RPSA: variants seen among roughly 807,000 people sequenced by gnomAD.
RPSA encodes the protein small ribosomal subunit protein uS2.
For synonymous variants in RPSA, 103 were observed against 126.7 expected, an observed-to-expected ratio of 0.81 and a Z score of 1.25; for missense variants, 140 against 372.8, an observed-to-expected ratio of 0.38 and a Z score of 5.14.
At chr3:39,408,419 C>A in intron 2 of RPSA, 187 bp from the exon 3 acceptor site, 1 of 764,174 alleles carries the variant, frequency 1.3e-6, no homozygotes. Context: ...AGGGTGGAGG[C>A]CAGTCTTGGC....
intron 3 of RPSA, chr3:39,408,930 C>G (rs548656342): frequency 2.0e-6 from 1 of 510,136 alleles, no homozygotes. Flanking sequence ...ACTAAAAATA[C>G]AAAAAATTAG....
At chr3:39,409,184 CTT>C (rs71091746) in intron 3 of RPSA, among the ~76,000 whole-genome samples, 21 of 85,414 alleles carry the variant, frequency 2.5e-4, no homozygotes, top group Admixed American at 3.9e-4. Context: ...TATGACCTTC[CTT>C]TTTTTTTTTT....
intron 4 of RPSA, 147 bp downstream of exon 4, chr3:39,411,146 C>A (rs770252557): frequency 1.5e-5 from 14 of 942,888 alleles, no homozygotes; most frequent in Non-Finnish European, 2.2e-5. Flanking sequence ...CAAGTTTTCG[C>A]TAACACCACA....
intron 2 of RPSA, chr3:39,408,397 CTA>C (rs760709940): frequency 1.3e-6 from 1 of 751,282 alleles, no homozygotes; most frequent in Non-Finnish European, 2.5e-6. Flanking sequence ...AGGCTGCACA[CTA>C]TTAAAGCTCA....
At position 39,408,614 on chromosome 3, in the gene RPSA, A is replaced by G. The variant is rs752628562; in HGVS notation, c.142A>G (p.Ile48Val). Residue 48 changes from isoleucine to valine, a missense_variant, in exon 3 of 7, where the codon ATC (isoleucine) becomes GTC (valine). Coordinates refer to ENST00000301821, the MANE Select transcript of RPSA (RefSeq NM_002295.6). ...IYKRKSDGIYIINLKRTWEKL... is the reference protein window; with the variant it reads ...IYKRKSDGIYVINLKRTWEKL... ...CTTCTGCCCTCACTTAGGCATCTAT[A>G]TCATAAATCTCAAGAGGACCTGGGA... 7 of 1,574,960 alleles carry G rather than the reference A, an allele frequency of 4.4e-6. No homozygotes were observed. The highest frequency in any genetic ancestry group is 3.3e-5 in the South Asian group (3 of 90,222).
At chr3:39,409,184 C>CTTTTTTT (rs71091746) in intron 3 of RPSA, among the ~76,000 whole-genome samples, 2,136 of 85,230 alleles carry the variant, frequency 0.025, 274 homozygotes, top group East Asian at 0.081. Flanking sequence ...TATGACCTTC[C>CTTTTTTT]TTTTTTTTTT....
At chr3:39,410,678 G>T in intron 3 of RPSA, 76 bp from the exon 4 acceptor site, 1 of 1,560,698 alleles carries the variant, frequency 6.4e-7, no homozygotes, top group Non-Finnish European at 8.8e-7. Context: ...GTTGGCCAGT[G>T]CCCAGAAGTG....
Position 39,411,005 on chromosome 3 carries a change from G to A in RPSA, c.498+6G>A. The A allele has an allele frequency of 6.3e-7, 1 of 1,599,676 alleles. No individual in the cohort carries two copies. Among genetic ancestry groups the A allele is most frequent in the Non-Finnish European group, 8.5e-7 (1 of 1,179,926 alleles). On this transcript the variant is annotated splice_donor_region_variant and intron_variant, in intron 4 of 6. Transcript: ENST00000301821. ...CCATCCCATGCAACAACAAGGTAAT[G>A]ATTTTAGGATCTAGAGTTTGTGAAT...
Position 39,407,626 on chromosome 3 carries a change from C to T in RPSA, c.-28C>T, listed in dbSNP as rs371713568. The stretch of plus-strand genomic sequence containing the variant: ...AGGTTGCTCTCTTATTTCAGATTCC[C>T]GTCGTAACTTAAAGGGAAATTTTCA... On this transcript the variant is annotated 5_prime_UTR_variant, in exon 2 of 7. Transcript: ENST00000301821. 216 of 1,590,358 alleles carry T rather than the reference C, an allele frequency of 1.4e-4. 1 individual carries two copies. The highest frequency in any genetic ancestry group is 1.7e-4 in the Non-Finnish European group (203 of 1,173,408).
intron 3 of RPSA, among the ~76,000 whole-genome samples, chr3:39,409,925 C>T (rs919016573): frequency 3.9e-5 from 6 of 152,014 alleles, no homozygotes; most frequent in East Asian, 3.9e-4. Flanking sequence ...CCCAGAAGTT[C>T]GAGACCAGGG....
intron 3 of RPSA, chr3:39,410,251 T>A (rs749177523): frequency 6.3e-6 from 1 of 158,680 alleles, no homozygotes; most frequent in Non-Finnish European, 1.4e-5. Context: ...AGAAAACTAG[T>A]AGATTTCTTG....
chr3:39,408,538 A>G, intron 2 of RPSA, 68 bp from the exon 3 acceptor site: 1 of 931,642 alleles, frequency 1.1e-6, no homozygotes, highest in South Asian at 1.3e-5. Context: ...GCTGCCACAT[A>G]GAGTAAACTT....
At chr3:39,410,401 C>T (rs2041988596) in intron 3 of RPSA, 1 of 297,508 alleles carries the variant, frequency 3.4e-6, no homozygotes, top group Non-Finnish European at 6.5e-6. Context: ...CTGAAACTGA[C>T]TTGTTACTAG....
chr3:39,409,624 C>T (rs1388438329), intron 3 of RPSA, among the ~76,000 whole-genome samples: 1 of 152,184 alleles, frequency 6.6e-6, no homozygotes, highest in East Asian at 1.9e-4. Flanking sequence ...ATCACATTTT[C>T]CCATAGTCAA....
chr3:39,412,176 G>A (rs1017474263), intron 6 of RPSA, 98 bp from the exon 7 acceptor site: 1 of 1,339,234 alleles, frequency 7.5e-7, no homozygotes, highest in African/African-American at 1.4e-5. Context: ...TCATTCCAGT[G>A]TGCTACAGCA....
intron 2 of RPSA, chr3:39,408,144 T>C (rs922618336): frequency 2.7e-6 from 1 of 369,264 alleles, no homozygotes; most frequent in African/African-American, 2.1e-5. Context: ...ATGAACAATA[T>C]GGTTTGGAAG....
intron 4 of RPSA, 139 bp from the exon 5 acceptor site, chr3:39,411,510 A>T: frequency 1.2e-6 from 1 of 868,436 alleles, no homozygotes; most frequent in Non-Finnish European, 1.8e-6. Context: ...ATCCCTATTT[A>T]TAATGCTCCC....
In RPSA at chr3:39,406,720, C is replaced by A; in HGVS notation, c.-78C>A. On this transcript the variant is annotated 5_prime_UTR_variant, in exon 1 of 7. Transcript: ENST00000301821. Reference sequence around the variant, plus strand: ...AAGGACGTCATTTCCTGCCGCCTGTCTTTTCCGTGCTACCTGCAGAGGGGT... The same window carrying A: ...AAGGACGTCATTTCCTGCCGCCTGTATTTTCCGTGCTACCTGCAGAGGGGT... 2.9e-6 allele frequency: 1 copy of A among 349,372 alleles called. No homozygotes were observed. Among genetic ancestry groups the A allele is most frequent in the Non-Finnish European group, 5.6e-6 (1 of 179,100 alleles). 21.6% of individuals were successfully genotyped at this position (349,372 alleles called of 1,614,324 possible).
intron 3 of RPSA, 97 bp downstream of exon 3, chr3:39,408,821 C>G: frequency 1.2e-6 from 1 of 825,800 alleles, no homozygotes; most frequent in South Asian, 1.4e-5. Context: ...TAACTCAGGC[C>G]GGGCGCGGTG....
Sources: gnomAD v4.1 joint callset for allele counts (sites outside exome capture counted in the v4.1 genomes callset) on GRCh38, gnomAD v4.1.1 for gene constraint, MANE v1.5 for transcripts, NCBI Gene and HGNC (gene_info 2026-07-23, HGNC 2026-07-21) for gene names.